Variants in FAM174B observed in about 807,000 individuals in gnomAD.
FAM174B encodes the protein membrane protein FAM174B.
FAM174B carries 12 observed loss-of-function variants against 10.9 expected under a neutral mutation model. The observed-to-expected ratio is 1.10, with a 90% CI of 0.71 to 1.79. FAM174B has a LOEUF of 1.79. Ranked by LOEUF, FAM174B falls within the 40% of genes most tolerant of loss-of-function variation. The pLI is 0.00. For synonymous variants in FAM174B, 132 were observed against 115.8 expected (o/e 1.14, Z -0.90); for missense variants, 266 against 233.3 (o/e 1.14, Z -0.91).
At chr15:92,650,678 C>A (rs1266585155) in intron 1 of FAM174B, among the ~76,000 whole-genome samples, 2 of 152,226 alleles carry the variant, frequency 1.3e-5, no homozygotes, top group Admixed American at 1.3e-4. Context: ...GCAAAAGGTA[C>A]TGATACCAGC....
chr15:92,631,383 ATATATTATATAT>A (rs2050812636), intron 1 of FAM174B, among the ~76,000 whole-genome samples: 3 of 32,092 alleles, frequency 9.3e-5, no homozygotes, highest in African/African-American at 3.7e-4. Flanking sequence ...ATAATATATT[ATATATTATATAT>A]TATATTATAT....
intron 1 of FAM174B, among the ~76,000 whole-genome samples, chr15:92,651,455 AT>A (rs1409129016): frequency 6.6e-6 from 1 of 152,252 alleles, no homozygotes; most frequent in African/African-American, 2.4e-5. Flanking sequence ...TAATAAAAAA[AT>A]ATGATAATCA....
chr15:92,630,167 AC>A, intron 2 of FAM174B, 46 bp downstream of exon 2: 1 of 1,603,224 alleles, frequency 6.2e-7, no homozygotes, highest in Non-Finnish European at 8.5e-7. Context: ...GGTCCCACCA[AC>A]CCACTGCCCC....
At chr15:92,628,045 A>G (rs965052829) in intron 2 of FAM174B, among the ~76,000 whole-genome samples, 2 of 152,144 alleles carry the variant, frequency 1.3e-5, no homozygotes, top group Non-Finnish European at 2.9e-5. Flanking sequence ...TCCTATGCAC[A>G]TTCTCTAGTA....
At chr15:92,643,996 C>G (rs1362944312) in intron 1 of FAM174B, among the ~76,000 whole-genome samples, 1 of 152,162 alleles carries the variant, frequency 6.6e-6, no homozygotes, top group Non-Finnish European at 1.5e-5. Context: ...AGCGGTCCCT[C>G]CAATGCTCTG....
Position 92,618,920 on chromosome 15 carries a change from T to A in FAM174B, c.*536A>T. On this transcript the variant is annotated 3_prime_UTR_variant, in exon 3 of 3. Coordinates refer to ENST00000327355, the MANE Select transcript of FAM174B (RefSeq NM_207446.3). ...AAGGGGCTGACCAGCTCTAAGCACA[T>A]CCACCTTGAACTCTGACACAGGTAA... The A allele has an allele frequency of 4.3e-6, 2 of 465,474 alleles. No individual in the cohort carries two copies. The highest frequency in any genetic ancestry group is 7.7e-6 in the Non-Finnish European group (2 of 258,434). 28.8% of individuals were successfully genotyped at this position (465,474 alleles called of 1,614,324 possible).
rs906293451 is a variant in FAM174B, at chr15:92,617,935, G to A, written c.*1521C>T. 1.8e-5 allele frequency: 7 copies of A among 396,034 alleles called. No homozygotes were observed. Among genetic ancestry groups the A allele is most frequent in the Admixed American group, 4.5e-5 (1 of 22,226 alleles). 24.5% of individuals were successfully genotyped at this position (396,034 alleles called of 1,614,324 possible). A position where few individuals can be genotyped will look rare whatever the true frequency, so the allele number is the denominator to read the frequency against. ...GCCACCCTCACCCAGGGCTTCCCAC[G>A]GGCTCTGCTCTTTCCTGCAGAGGCG... On this transcript the variant is annotated 3_prime_UTR_variant, in exon 3 of 3. Coordinates refer to ENST00000327355, the MANE Select transcript of FAM174B (RefSeq NM_207446.3).
chr15:92,638,847 A>T (rs566160624), intron 1 of FAM174B, among the ~76,000 whole-genome samples: 1 of 152,144 alleles, frequency 6.6e-6, no homozygotes, highest in Non-Finnish European at 1.5e-5. Context: ...TCATAGGCAC[A>T]TCCCTGCCAC....
chr15:92,630,759 A>T lies in FAM174B; in HGVS notation c.345-414T>A, dbSNP rs1261402644. 1.2e-3 allele frequency among the ~76,000 whole-genome samples: 6 copies of T among 5,194 alleles called. 2 individuals carry two copies. The Non-Finnish European group carries it at 0.041, about 35-fold the overall frequency. The allele number at this position is 5,194 out of a possible 152,430, so 3.4% of individuals were successfully genotyped here. On this transcript the variant is annotated intron_variant, in intron 1 of 2. Coordinates refer to ENST00000327355, the MANE Select transcript of FAM174B (RefSeq NM_207446.3). ...TTATATATTTTTTATATTATATAAT[A>T]ATATATAATAATAATATATTTTATA...
chr15:92,653,505 G>GTAGATGACAA (rs1384887303), intron 1 of FAM174B, among the ~76,000 whole-genome samples: 1 of 152,236 alleles, frequency 6.6e-6, no homozygotes, highest in Non-Finnish European at 1.5e-5. Flanking sequence ...CAGGAAGTCC[G>GTAGATGACAA]TAGATGACAA....
chr15:92,648,793 A>AGG (rs1012200035), intron 1 of FAM174B, among the ~76,000 whole-genome samples: 4 of 152,336 alleles, frequency 2.6e-5, no homozygotes, highest in African/African-American at 9.6e-5. Context: ...CCCGTGAGAA[A>AGG]GGGTTTCCTC....
intron 2 of FAM174B, among the ~76,000 whole-genome samples, chr15:92,625,857 T>A (rs558728427): frequency 6.6e-6 from 1 of 152,356 alleles, no homozygotes; most frequent in South Asian, 2.1e-4. Flanking sequence ...GCCTGAGGAC[T>A]GCAGTGGGCT....
intron 1 of FAM174B, among the ~76,000 whole-genome samples, chr15:92,635,107 T>C (rs1051569695): frequency 9.0e-6 from 1 of 111,296 alleles, no homozygotes; most frequent in African/African-American, 2.7e-5. Flanking sequence ...CCTCTCTCTC[T>C]CTCTCTTTCT....
intron 1 of FAM174B, among the ~76,000 whole-genome samples, chr15:92,632,723 T>C (rs193150879): frequency 2.0e-5 from 3 of 152,062 alleles, no homozygotes; most frequent in African/African-American, 7.2e-5. Flanking sequence ...GGTCTTGTTA[T>C]GTTGCCCAGG....
At chr15:92,630,127 A>G (rs1400272128) in intron 2 of FAM174B, 87 bp downstream of exon 2, 6 of 1,411,932 alleles carry the variant, frequency 4.2e-6, no homozygotes, top group Non-Finnish European at 4.9e-6. Context: ...CTAAAAAACA[A>G]GAACACATGG....
At chr15:92,621,188 G>A (rs185517235) in intron 2 of FAM174B, among the ~76,000 whole-genome samples, 5 of 152,182 alleles carry the variant, frequency 3.3e-5, no homozygotes, top group South Asian at 4.1e-4. Context: ...ATATACACAC[G>A]GATGAATCAG....
intron 1 of FAM174B, among the ~76,000 whole-genome samples, chr15:92,635,928 A>G (rs2050853039): frequency 6.6e-6 from 1 of 152,150 alleles, no homozygotes; most frequent in Admixed American, 6.5e-5. Context: ...ACTATGCACC[A>G]GTCAGAAGCC....
intron 2 of FAM174B, among the ~76,000 whole-genome samples, chr15:92,620,583 G>A (rs772597198): frequency 1.3e-5 from 2 of 152,146 alleles, no homozygotes; most frequent in Non-Finnish European, 1.5e-5. Context: ...GGGAGGCCAC[G>A]GCGGGTGGAT....
At chr15:92,655,249 G>A in intron 1 of FAM174B, 67 bp downstream of exon 1, 1 of 1,443,282 alleles carries the variant, frequency 6.9e-7, no homozygotes, top group Non-Finnish European at 9.1e-7. Flanking sequence ...GCGGGCGCGC[G>A]GCGACAGCAG....
Sources: gnomAD v4.1 joint callset for allele counts (sites outside exome capture counted in the v4.1 genomes callset) on GRCh38, gnomAD v4.1.1 for gene constraint, MANE v1.5 for transcripts, NCBI Gene and HGNC (gene_info 2026-07-23, HGNC 2026-07-21) for gene names.